The following PBLD variants were observed in gnomAD, a reference collection of about 807,000 sequenced individuals.
PBLD encodes phenazine biosynthesis like protein domain containing.
PBLD carries 26 observed loss-of-function variants against 31.3 expected under a neutral mutation model. The observed-to-expected ratio is 0.83, with a 90% CI of 0.61 to 1.15. PBLD has a LOEUF of 1.15. Ranked by LOEUF, PBLD falls within the 50% of genes most tolerant of loss-of-function variation. The pLI is 0.00. For missense variants in PBLD, 307 were observed against 351.7 expected (o/e 0.87, Z 1.02); for synonymous variants, 114 against 129.0 (o/e 0.88, Z 0.79).
intron 1 of PBLD, among the ~76,000 whole-genome samples, chr10:68,317,782 C>T (rs2134516487): frequency 6.7e-6 from 1 of 148,520 alleles, no homozygotes; most frequent in African/African-American, 2.5e-5. Flanking sequence ...TGGGCAGTGA[C>T]AGAATAAGAC....
rs1372630478 is a variant in PBLD at position 68,296,971 on chromosome 10, G to A, written c.99C>T (p.Asp33=). The A allele has an allele frequency of 1.2e-6, 2 of 1,612,886 alleles. No individual in the cohort carries two copies. The highest frequency in any genetic ancestry group is 2.2e-5 in the East Asian group (1 of 44,866). ...VCLLENELDE[D]MHQKIAREMN... ...TCTCCCTTGCAATTTTCTGATGCATGTCTTCATCCAATTCCTTAATTAGAA... is the reference window on the plus strand; with the variant it reads ...TCTCCCTTGCAATTTTCTGATGCATATCTTCATCCAATTCCTTAATTAGAA... Residue 33 remains aspartate, a synonymous_variant, in exon 3 of 10, where the codon GAC becomes GAT. Transcript: ENST00000358769.
chr10:68,318,596 G>T (rs576371197), intron 1 of PBLD, among the ~76,000 whole-genome samples: 1 of 151,510 alleles, frequency 6.6e-6, no homozygotes, highest in South Asian at 2.1e-4. Context: ...AATGTAAAAA[G>T]ATATATTTGA....
At chr10:68,331,763 A>C (rs1176233072) in intron 1 of PBLD, 2 of 152,358 alleles carry the variant, frequency 1.3e-5, no homozygotes, top group Non-Finnish European at 2.9e-5. Flanking sequence ...GGTTCCTTCT[A>C]CACACTGGCA....
At chr10:68,325,434 G>A (rs1349361817) in intron 1 of PBLD, among the ~76,000 whole-genome samples, 2 of 151,416 alleles carry the variant, frequency 1.3e-5, no homozygotes, top group Non-Finnish European at 2.9e-5. Context: ...GCGTGGTGGT[G>A]TATGCCTGTA....
chr10:68,296,121 G>A (rs1286120507), intron 4 of PBLD, 145 bp downstream of exon 4: 11 of 559,974 alleles, frequency 2.0e-5, no homozygotes, highest in Middle Eastern at 9.7e-4. Flanking sequence ...CGCTGGTTTT[G>A]TTTCTGCATT....
At chr10:68,288,711 C>G (rs746363202) in intron 7 of PBLD, 50 bp from the exon 8 acceptor site, 57 of 1,577,770 alleles carry the variant, frequency 3.6e-5, no homozygotes, top group Non-Finnish European at 4.9e-5. Context: ...ACAGCCCACT[C>G]ACCACACAGA....
chr10:68,284,125 A>T lies in PBLD; in HGVS notation c.*52T>A. ...AAGGCAGCCCCTTACATTTCTTTTT[A>T]AGCAGAAAATACTTGGTGGTTAGAG... On this transcript the variant is annotated 3_prime_UTR_variant, in exon 10 of 10. Coordinates refer to ENST00000358769, the MANE Select transcript of PBLD (RefSeq NM_022129.4). 1 of 1,490,270 alleles carries T rather than the reference A, an allele frequency of 6.7e-7. No homozygotes were observed. The allele number at this position is 1,490,270 out of a possible 1,614,324, so 92.3% of individuals were successfully genotyped here.
chr10:68,288,051 T>C (rs1245955399), intron 8 of PBLD: 2 of 158,074 alleles, frequency 1.3e-5, no homozygotes, highest in African/African-American at 4.8e-5. Context: ...AGTGAGACTA[T>C]GTCTCAAAAA....
rs528031447 is a variant in PBLD, at chr10:68,291,469, C to T, written c.423+541G>A. Among the ~76,000 whole-genome samples the T allele has an allele frequency of 2.0e-5, 3 of 152,250 alleles. No individual in the cohort carries two copies. The South Asian group carries it at 6.2e-4, about 32-fold the overall frequency. On this transcript the variant is annotated intron_variant, in intron 6 of 9. Transcript: ENST00000358769. ...GCACAGCCCTCCCCCACCTCAGTCCCATCCTTTACTACAGAAACTGGGGAC... is the reference window on the plus strand; with the variant it reads ...GCACAGCCCTCCCCCACCTCAGTCCTATCCTTTACTACAGAAACTGGGGAC...
intron 2 of PBLD, among the ~76,000 whole-genome samples, chr10:68,305,476 C>T (rs1020307650): frequency 6.6e-6 from 1 of 151,270 alleles, no homozygotes; most frequent in Non-Finnish European, 1.5e-5. Context: ...CACTGCTGGC[C>T]GGGCGCGGTG....
At chr10:68,322,528 G>A (rs2044852039) in intron 1 of PBLD, among the ~76,000 whole-genome samples, 1 of 151,408 alleles carries the variant, frequency 6.6e-6, no homozygotes, top group Non-Finnish European at 1.5e-5. Flanking sequence ...AACAGGCATG[G>A]TGGCACACAC....
chr10:68,284,269 C>T lies in PBLD; in HGVS notation c.775G>A (p.Gly259Arg). 1 of 1,613,978 alleles carries T rather than the reference C, an allele frequency of 6.2e-7. No homozygotes were observed. The highest frequency in any genetic ancestry group is 8.5e-7 in the Non-Finnish European group (1 of 1,179,870). ...CGAAGGGAAATTCCCAGCTCTCCTC[C>T]TCGGTGGGAACACTGAAAAGCTAAA... ...EMHAFQCSHR[G>R]GELGISLRPD... is the part of the protein sequence containing the mutation. The change falls in exon 10 of 10, where the codon GGA becomes AGA. Residue 259 changes from glycine to arginine, a missense_variant. Coordinates refer to ENST00000358769, the MANE Select transcript of PBLD (RefSeq NM_022129.4).
chr10:68,299,940 G>C (rs2044483334), intron 2 of PBLD, among the ~76,000 whole-genome samples: 1 of 151,918 alleles, frequency 6.6e-6, no homozygotes, highest in African/African-American at 2.4e-5. Context: ...ACCCTGGCTA[G>C]AGTGCAGTGG....
At chr10:68,299,729 G>A (rs1330383520) in intron 2 of PBLD, among the ~76,000 whole-genome samples, 3 of 151,996 alleles carry the variant, frequency 2.0e-5, no homozygotes, top group East Asian at 2.0e-4. Flanking sequence ...GGTGGTGCGC[G>A]CCTGTAATCC....
chr10:68,288,350 TG>T, intron 8 of PBLD, 132 bp downstream of exon 8: 1 of 923,102 alleles, frequency 1.1e-6, no homozygotes, highest in Non-Finnish European at 1.6e-6. Context: ...ATGGCAGGGA[TG>T]GGGAAAGATA....
intron 1 of PBLD, among the ~76,000 whole-genome samples, chr10:68,314,433 T>G (rs1294669999): frequency 6.6e-6 from 1 of 152,124 alleles, no homozygotes; most frequent in Non-Finnish European, 1.5e-5. Flanking sequence ...GTTGATACTC[T>G]CTCCCCAGCT....
intron 7 of PBLD, 65 bp from the exon 8 acceptor site, chr10:68,288,726 G>A: frequency 6.5e-7 from 1 of 1,543,394 alleles, no homozygotes; most frequent in South Asian, 1.2e-5. Context: ...CACAGACTCT[G>A]TGAAGCAGGC....
At chr10:68,291,373 A>G (rs1362101664) in intron 6 of PBLD, among the ~76,000 whole-genome samples, 1 of 152,144 alleles carries the variant, frequency 6.6e-6, no homozygotes, top group Non-Finnish European at 1.5e-5. Context: ...CACAGACCCC[A>G]TGAGGAGCCC....
Position 68,292,153 on chromosome 10 carries a change from C to G in PBLD, c.369G>C (p.Leu123Phe), listed in dbSNP as rs143823795. Residue 123 changes from leucine (L) to phenylalanine (F), a missense_variant, in exon 5 of 10, where the codon TTG becomes TTC. Transcript: ENST00000358769. ...CCTGGGGGTGGGCTGGATAAAGAGG[C>G]AAGTCCAGGACGATGCCATCCTCTG... ...RRAEDGIVLD[L>F]PLYPAHPQDF... 1,373 of 1,613,910 alleles carry G rather than the reference C, an allele frequency of 8.5e-4. 3 individuals carry two copies. Among genetic ancestry groups the G allele is most frequent in the Non-Finnish European group, 1.1e-3 (1,262 of 1,179,926 alleles).
Sources: allele counts gnomAD v4.1 joint callset (sites outside exome capture counted in the v4.1 genomes callset), GRCh38; gene constraint gnomAD v4.1.1; transcripts MANE v1.5; gene names NCBI Gene and HGNC (gene_info 2026-07-23, HGNC 2026-07-21).